The following TAFA5 variants were observed in gnomAD, a reference collection of about 807,000 sequenced individuals.
TAFA5 encodes TAFA chemokine like family member 5, also known as chemokine-like protein TAFA-5.
TAFA5 carries 6 observed loss-of-function variants against 15.3 expected under a neutral mutation model. The ratio of observed to expected loss-of-function variants is 0.39; its 90% CI spans 0.21 to 0.77. The LOEUF is 0.77. Ranked by LOEUF, TAFA5 falls within the 30% of genes least tolerant of loss-of-function variation. TAFA5 has a pLI of 0.41. For missense variants in TAFA5, 161 were observed against 193.1 expected (o/e 0.83, Z 0.98); for synonymous variants, 103 against 80.7 (o/e 1.28, Z -1.48).
intron 2 of TAFA5, among the ~76,000 whole-genome samples, chr22:48,677,778 C>T (rs1473697470): frequency 6.6e-6 from 1 of 152,162 alleles, no homozygotes; most frequent in Non-Finnish European, 1.5e-5. Flanking sequence ...GGCGTGGCGT[C>T]CCCCTCCTGG....
At chr22:48,746,162 C>G (rs1308994697) in intron 3 of TAFA5, among the ~76,000 whole-genome samples, 1 of 151,850 alleles carries the variant, frequency 6.6e-6, no homozygotes, top group African/African-American at 2.4e-5. Context: ...CTTGTGGTTT[C>G]TGGCTGGCAC....
chr22:48,530,752 G>A lies in TAFA5; in HGVS notation c.112+41048G>A, dbSNP rs1044986622. On this transcript the variant is annotated intron_variant, in intron 1 of 3. Coordinates refer to ENST00000402357, the MANE Select transcript of TAFA5 (RefSeq NM_001082967.3). The surrounding 1 kb of genome is among the most constrained non-coding windows in gnomAD (Gnocchi z 6.0). ...CACCTGGTTCACACCTGACCCCCAG[G>A]CCCACCCCTTCAGGGGGCCGGTGGC... Among the ~76,000 whole-genome samples, 2 of 152,136 alleles carry A rather than the reference G, an allele frequency of 1.3e-5. No individual in the cohort carries two copies. The highest frequency in any genetic ancestry group is 2.4e-5 in the African/African-American group (1 of 41,424).
At chr22:48,544,859 A>T (rs1484964108) in intron 1 of TAFA5, 1 of 471,068 alleles carries the variant, frequency 2.1e-6, no homozygotes, top group Non-Finnish European at 4.4e-6. Context: ...GAGAGCCCTG[A>T]GGGATCCTGA....
intron 3 of TAFA5, among the ~76,000 whole-genome samples, chr22:48,748,668 T>A (rs1930396126): frequency 6.6e-6 from 1 of 152,066 alleles, no homozygotes; most frequent in Non-Finnish European, 1.5e-5. Context: ...GACGGCAAGG[T>A]CGTTCCCAGA....
At chr22:48,496,764 G>A (rs921090546) in intron 1 of TAFA5, among the ~76,000 whole-genome samples, 8 of 152,190 alleles carry the variant, frequency 5.3e-5, no homozygotes, top group African/African-American at 1.4e-4. Context: ...AGCCATCAGG[G>A]GCCCTGGTTT....
At chr22:48,591,444 G>T (rs1003614325) in intron 1 of TAFA5, among the ~76,000 whole-genome samples, 1 of 152,244 alleles carries the variant, frequency 6.6e-6, no homozygotes, top group African/African-American at 2.4e-5. Context: ...GGCTTGCGAT[G>T]CCTCAGTTGC....
At chr22:48,553,122 T>C (rs1922914774) in intron 1 of TAFA5, among the ~76,000 whole-genome samples, 1 of 152,136 alleles carries the variant, frequency 6.6e-6, no homozygotes. Context: ...GCTTCCTCTC[T>C]AGACATCCTC....
At chr22:48,610,787 G>A (rs1925375412) in intron 1 of TAFA5, among the ~76,000 whole-genome samples, 1 of 152,212 alleles carries the variant, frequency 6.6e-6, no homozygotes, top group Admixed American at 6.5e-5. Flanking sequence ...GGGAAGGATG[G>A]TGAATGCAGC....
At chr22:48,735,274 C>T (rs1463983428) in intron 3 of TAFA5, among the ~76,000 whole-genome samples, 2 of 152,158 alleles carry the variant, frequency 1.3e-5, no homozygotes, top group Admixed American at 6.5e-5. Context: ...GAACCTCAAA[C>T]GTAGGACAGT....
chr22:48,648,100 TA>T (rs201153567), intron 2 of TAFA5, among the ~76,000 whole-genome samples: 2 of 151,692 alleles, frequency 1.3e-5, no homozygotes, highest in Non-Finnish European at 2.9e-5. Context: ...TCAGGGCAGC[TA>T]TATCCGTGGC....
At chr22:48,517,271 G>T (rs1388551351) in intron 1 of TAFA5, among the ~76,000 whole-genome samples, 1 of 152,156 alleles carries the variant, frequency 6.6e-6, no homozygotes, top group Non-Finnish European at 1.5e-5. Context: ...GGCCCAGCTG[G>T]CACAGACTCC....
At chr22:48,578,739 CCTGT>C (rs1228208197) in intron 1 of TAFA5, among the ~76,000 whole-genome samples, 2 of 152,212 alleles carry the variant, frequency 1.3e-5, no homozygotes. Flanking sequence ...AGCCCTGCTG[CCTGT>C]CTGTCTGGAA....
chr22:48,646,540 T>C (rs956237918), intron 1 of TAFA5, 57 bp from the exon 2 acceptor site: 2 of 1,583,292 alleles, frequency 1.3e-6, no homozygotes, highest in Admixed American at 1.7e-5. Context: ...GGGTGGGCTC[T>C]GGCTGTGGGG....
At chr22:48,539,200 C>T (rs1922273653) in intron 1 of TAFA5, 1 of 318,280 alleles carries the variant, frequency 3.1e-6, no homozygotes, top group South Asian at 2.9e-5. Context: ...GACATTTCTC[C>T]ATCTCACTGA....
At chr22:48,571,551 G>C (rs1218006511) in intron 1 of TAFA5, among the ~76,000 whole-genome samples, 2 of 133,854 alleles carry the variant, frequency 1.5e-5, no homozygotes, top group Admixed American at 1.6e-4. Context: ...GGGATTACAG[G>C]CATGAGCCAC....
intron 1 of TAFA5, among the ~76,000 whole-genome samples, chr22:48,641,917 AC>A (rs1484796772): frequency 6.6e-6 from 1 of 152,152 alleles, no homozygotes; most frequent in East Asian, 1.9e-4. Flanking sequence ...TTATTTAAAA[AC>A]AAAAAAAGAT....
chr22:48,564,655 C>T (rs1923350806), intron 1 of TAFA5, among the ~76,000 whole-genome samples: 1 of 152,244 alleles, frequency 6.6e-6, no homozygotes, highest in South Asian at 2.1e-4. Flanking sequence ...TTGAGGGCCA[C>T]TCCTCATTGG....
chr22:48,544,638 C>G (rs768583207), intron 1 of TAFA5: 8 of 463,544 alleles, frequency 1.7e-5, no homozygotes, highest in Non-Finnish European at 3.6e-5. Context: ...TTTCCACCCC[C>G]CTTCTTAAGG....
intron 3 of TAFA5, among the ~76,000 whole-genome samples, chr22:48,719,985 G>A (rs1442620164): frequency 1.3e-5 from 2 of 152,190 alleles, no homozygotes; most frequent in African/African-American, 2.4e-5. Context: ...AATGGGAGAC[G>A]TGACACGCTG....
Sources: allele counts gnomAD v4.1 joint callset (sites outside exome capture counted in the v4.1 genomes callset), GRCh38; gene constraint gnomAD v4.1.1; non-coding constraint Gnocchi (gnomAD v3.1); transcripts MANE v1.5; gene names NCBI Gene and HGNC (gene_info 2026-07-23, HGNC 2026-07-21).